PITPNM2: variants seen among roughly 807,000 people sequenced by gnomAD.
PITPNM2 encodes phosphatidylinositol transfer protein membrane associated 2.
In PITPNM2, 35 loss-of-function variants were observed where a neutral mutation model predicts 132.2. The observed-to-expected ratio is 0.26, with a 90% CI of 0.20 to 0.35. PITPNM2 has a LOEUF of 0.35. Among genes scored for constraint, PITPNM2 ranks in the 10% least tolerant of loss-of-function variants. The pLI, the probability that PITPNM2 is intolerant of heterozygous loss-of-function variation, is 1.00. For missense variants in PITPNM2, 1,332 were observed against 1,912.0 expected, an observed-to-expected ratio of 0.70 and a Z score of 5.66; for synonymous variants, 738 against 799.2, an observed-to-expected ratio of 0.92 and a Z score of 1.29.
chr12:123,110,082 C>A (rs2042804759), intron 2 of PITPNM2, among the ~76,000 whole-genome samples: 1 of 152,126 alleles, frequency 6.6e-6, no homozygotes. Flanking sequence ...ATCAGCCTCC[C>A]CAGTAGCTGG....
Position 122,990,623 on chromosome 12 carries a change from G to A in PITPNM2, c.2491C>T (p.Arg831Cys), listed in dbSNP as rs563588098. ...PGTAPASRGF[R>C]RASEISIASQ... ...GCGATGCTGATCTCACTGGCTCGGCGGAAGCCACGACTGGCAGGGGCAGTG... is the reference window on the plus strand; with the variant it reads ...GCGATGCTGATCTCACTGGCTCGGCAGAAGCCACGACTGGCAGGGGCAGTG... Residue 831 changes from arginine to cysteine, a missense_variant, in exon 17 of 26, where the codon CGC becomes TGC. Physicochemically the swap from Arg to Cys is radical, Grantham distance 180. This residue lies in a region of PITPNM2 where 710 missense variants were observed against 911.5 expected (regional missense o/e 0.78). Coordinates refer to ENST00000320201, the MANE Select transcript of PITPNM2 (RefSeq NM_020845.3). 8 of 1,612,036 alleles carry A rather than the reference G, an allele frequency of 5.0e-6. No individual in the cohort carries two copies. The highest frequency in any genetic ancestry group is 1.3e-5 in the African/African-American group (1 of 75,056).
At chr12:122,986,595 C>A in intron 24 of PITPNM2, 31 bp from the exon 25 acceptor site, 1 of 1,599,528 alleles carries the variant, frequency 6.3e-7, no homozygotes, top group Non-Finnish European at 8.5e-7. Context: ...GCACAGGCAC[C>A]ATGGTCCCTC....
intron 2 of PITPNM2, among the ~76,000 whole-genome samples, chr12:123,068,051 T>C (rs950976732): frequency 6.6e-6 from 1 of 152,208 alleles, no homozygotes; most frequent in African/African-American, 2.4e-5. Flanking sequence ...AGTAGTCATG[T>C]GGCCCAAAGT....
At position 123,004,364 on chromosome 12, in the gene PITPNM2, C is replaced by T; in HGVS notation, c.1048+30G>A. The T allele has an allele frequency of 6.2e-7, 1 of 1,611,010 alleles. No individual in the cohort carries two copies. The highest frequency in any genetic ancestry group is 8.5e-7 in the Non-Finnish European group (1 of 1,177,818). ...CCCTCCCCACCTCGCCCAGGAAGGC[C>T]CCAAGGACTGCAGAGCGCTGCCTGC... On this transcript the variant is annotated intron_variant, in intron 8 of 25. Transcript: ENST00000320201. This position sits in a 1 kb window ranked among gnomAD's most constrained non-coding sequence, Gnocchi z 4.9.
intron 2 of PITPNM2, among the ~76,000 whole-genome samples, chr12:123,072,374 T>C (rs982983567): frequency 6.6e-6 from 1 of 152,192 alleles, no homozygotes; most frequent in Admixed American, 6.5e-5. Flanking sequence ...CCCCTGAGCA[T>C]AGTCTTGCTT....
chr12:123,001,322 G>C (rs1404590973), intron 8 of PITPNM2, among the ~76,000 whole-genome samples, 164 bp from the exon 9 acceptor site: 2 of 152,190 alleles, frequency 1.3e-5, no homozygotes, highest in Admixed American at 1.3e-4. Flanking sequence ...ACAAAAAATA[G>C]TGGTAACATT....
chr12:123,140,170 G>T (rs1358016921), intron 1 of PITPNM2, among the ~76,000 whole-genome samples: 1 of 152,130 alleles, frequency 6.6e-6, no homozygotes, highest in East Asian at 1.9e-4. Context: ...TTAGGCCCCC[G>T]GGGAACGCAG....
rs1425854483 is a variant in PITPNM2, at chr12:123,078,775, C to T, written c.-96+31610G>A. Reference sequence around the variant, plus strand: ...GCAGGTGGATGGGGACTCCCAGGCTCCCCACGCTGGGTGGCATCTCCCATC... The same window carrying T: ...GCAGGTGGATGGGGACTCCCAGGCTTCCCACGCTGGGTGGCATCTCCCATC... On this transcript the variant is annotated intron_variant, in intron 2 of 25. Transcript: ENST00000320201. This position sits in a 1 kb window ranked among gnomAD's most constrained non-coding sequence, Gnocchi z 7.3. Among the ~76,000 whole-genome samples, 1 of 152,198 alleles carries T rather than the reference C, an allele frequency of 6.6e-6. No individual in the cohort carries two copies. Among genetic ancestry groups the T allele is most frequent in the Non-Finnish European group, 1.5e-5 (1 of 68,020 alleles).
chr12:123,151,158 G>GAGCGGCGGC (rs1164249769), upstream of PITPNM2, among the ~76,000 whole-genome samples: 3 of 146,100 alleles, frequency 2.1e-5, no homozygotes, highest in Admixed American at 6.8e-5. Flanking sequence ...CCGCGCGGGG[G>GAGCGGCGGC]AGCGGCGGCG....
chr12:123,117,822 C>G lies in PITPNM2; in HGVS notation c.-199-7334G>C, dbSNP rs1193470278. 1.3e-5 allele frequency among the ~76,000 whole-genome samples: 2 copies of G among 152,228 alleles called. No homozygotes were observed. The highest frequency in any genetic ancestry group is 2.9e-5 in the Non-Finnish European group (2 of 68,034). ...TCTCCCTAAATCATATGTTTAGCCC[C>G]CTGGACTCTAGGTGAGGCTACGGGA... On this transcript the variant is annotated intron_variant, in intron 1 of 25. Transcript: ENST00000320201. This position sits in a 1 kb window ranked among gnomAD's most constrained non-coding sequence, Gnocchi z 4.7.
At chr12:123,047,414 G>A (rs1258598289) in intron 2 of PITPNM2, among the ~76,000 whole-genome samples, 1 of 152,168 alleles carries the variant, frequency 6.6e-6, no homozygotes, top group East Asian at 1.9e-4. Flanking sequence ...AGGCGTCTTG[G>A]TTCCAGCCCA....
Position 123,083,333 on chromosome 12 carries a change from C to T in PITPNM2, c.-96+27052G>A, listed in dbSNP as rs931914763. The T allele has an allele frequency of 1.3e-5, 2 of 152,248 alleles. No homozygotes were observed. Among genetic ancestry groups the T allele is most frequent in the Non-Finnish European group, 2.9e-5 (2 of 68,088 alleles). The allele number at this position is 152,248 out of a possible 1,614,324, so 9.4% of individuals were successfully genotyped here. On this transcript the variant is annotated intron_variant, in intron 2 of 25. Transcript: ENST00000320201. This position sits in a 1 kb window ranked among gnomAD's most constrained non-coding sequence, Gnocchi z 4.5. ...GCACTGAATAGAATTTCTAAATATACAAACGGATGAACCAATGGATGGATG... is the reference window on the plus strand; with the variant it reads ...GCACTGAATAGAATTTCTAAATATATAAACGGATGAACCAATGGATGGATG...
At chr12:123,045,533 C>T (rs755269223) in intron 2 of PITPNM2, among the ~76,000 whole-genome samples, 19 of 152,182 alleles carry the variant, frequency 1.2e-4, no homozygotes, top group South Asian at 8.3e-4. Context: ...GTGGGCACAA[C>T]GCTGGGACTG....
chr12:122,990,707 C>G lies in PITPNM2; in HGVS notation c.2407G>C (p.Asp803His). The G allele has an allele frequency of 1.2e-6, 2 of 1,602,720 alleles. No homozygotes were observed. Among genetic ancestry groups the G allele is most frequent in the Non-Finnish European group, 1.7e-6 (2 of 1,174,818 alleles). Reference protein sequence around the residue: ...LGDGCSTLLADVLQTHNAAFQ... With the variant: ...LGDGCSTLLAHVLQTHNAAFQ... ...GCTGCATTGTGGGTCTGGAGCACAT[C>G]CGCTGCAGGTGGACAGGGACCAGAG... is the stretch of plus-strand genomic sequence containing the variant. The change falls in exon 17 of 26, where the codon GAT becomes CAT. Residue 803 changes from aspartate (D) to histidine (H), a missense_variant and splice_region_variant. This residue lies in a region of PITPNM2 where 710 missense variants were observed against 911.5 expected (regional missense o/e 0.78). Coordinates refer to ENST00000320201, the MANE Select transcript of PITPNM2 (RefSeq NM_020845.3).
In PITPNM2 at chr12:123,106,954, G is replaced by A. The variant is rs1038075234; in HGVS notation, c.-96+3431C>T. Among the ~76,000 whole-genome samples the A allele has an allele frequency of 5.3e-5, 8 of 152,198 alleles. No homozygotes were observed. Among genetic ancestry groups the A allele is most frequent in the African/African-American group, 7.2e-5 (3 of 41,460 alleles). ...GGAGGGACTAGGAAGCAAGGCCCTC[G>A]CTGCAGGTAGGGCTCTGCTGCTGCT... is the stretch of plus-strand genomic sequence containing the variant. On this transcript the variant is annotated intron_variant, in intron 2 of 25. Coordinates refer to ENST00000320201, the MANE Select transcript of PITPNM2 (RefSeq NM_020845.3). This position sits in a 1 kb window ranked among gnomAD's most constrained non-coding sequence, Gnocchi z 4.4.
At chr12:123,142,338 T>C (rs571319991) in intron 1 of PITPNM2, among the ~76,000 whole-genome samples, 1 of 152,372 alleles carries the variant, frequency 6.6e-6, no homozygotes, top group Admixed American at 6.5e-5. Context: ...AATCGTGCTC[T>C]GGACCAATTA....
intron 13 of PITPNM2, 56 bp downstream of exon 13, chr12:122,996,401 TG>T (rs975309706): frequency 2.2e-5 from 35 of 1,598,934 alleles, no homozygotes; most frequent in Non-Finnish European, 2.7e-5. Context: ...GCAGCCACCC[TG>T]GGGGCGTGCA....
intron 1 of PITPNM2, among the ~76,000 whole-genome samples, chr12:123,131,925 G>C (rs1368235068): frequency 6.6e-6 from 1 of 152,226 alleles, no homozygotes; most frequent in South Asian, 2.1e-4. Flanking sequence ...AGGAAGGAAA[G>C]AGAAGCTCTG....
Position 123,034,608 on chromosome 12 carries a change from C to T in PITPNM2, c.-18G>A. On this transcript the variant is annotated 5_prime_UTR_variant, in exon 3 of 26. Transcript: ENST00000320201. ...ATAATCATCTTGGAGTCCAAGCCTT[C>T]CCGTCGATGGGGAACTGCAAGTTGG... 6.2e-7 allele frequency: 1 copy of T among 1,612,442 alleles called. No homozygotes were observed. The highest frequency in any genetic ancestry group is 1.7e-4 in the Middle Eastern group (1 of 6,056).
Sources: gnomAD v4.1 joint callset for allele counts (sites outside exome capture counted in the v4.1 genomes callset) on GRCh38, gnomAD v4.1.1 for gene constraint, gnomAD v4.1.1 regional missense constraint, Gnocchi (gnomAD v3.1) non-coding constraint, MANE v1.5 for transcripts, NCBI Gene and HGNC (gene_info 2026-07-23, HGNC 2026-07-21) for gene names.